SLC7A6: variants seen among roughly 807,000 people sequenced by gnomAD.
The protein encoded by SLC7A6 is solute carrier family 7 member 6.
Under a neutral mutation model 46.6 loss-of-function variants are expected in SLC7A6, and 29 were observed. That is an observed-to-expected ratio of 0.62 (90% CI 0.46 to 0.85). SLC7A6 has a LOEUF of 0.85. Ranked by LOEUF, SLC7A6 falls within the 40% of genes least tolerant of loss-of-function variation. The pLI is 0.00. For synonymous variants in SLC7A6, 276 were observed against 257.3 expected (o/e 1.07, Z -0.70); for missense variants, 527 against 647.6 (o/e 0.81, Z 2.02).
At chr16:68,268,703 A>G (rs1380732861) in intron 2 of SLC7A6, among the ~76,000 whole-genome samples, 1 of 152,216 alleles carries the variant, frequency 6.6e-6, no homozygotes, top group Non-Finnish European at 1.5e-5. Context: ...GGAATTTAAA[A>G]TTTTTAAAAA....
chr16:68,288,621 T>G (rs924489051), intron 4 of SLC7A6, among the ~76,000 whole-genome samples: 2 of 152,152 alleles, frequency 1.3e-5, no homozygotes, highest in Admixed American at 6.5e-5. Flanking sequence ...TAATCTCAAA[T>G]CTGTTGGATC....
chr16:68,287,414 T>C (rs1339882739), intron 3 of SLC7A6: 1 of 1,311,902 alleles, frequency 7.6e-7, no homozygotes, highest in Non-Finnish European at 1.0e-6. Context: ...GTTTGGAACC[T>C]TGGGAGTCTG....
intron 3 of SLC7A6, among the ~76,000 whole-genome samples, chr16:68,275,586 AC>A (rs2042698087): frequency 8.0e-6 from 1 of 125,258 alleles, no homozygotes; most frequent in African/African-American, 3.2e-5. Flanking sequence ...CAAGAGCAAA[AC>A]TCTGTCTCCA....
intron 2 of SLC7A6, chr16:68,273,112 G>C (rs1329952254): frequency 1.3e-5 from 2 of 152,138 alleles, no homozygotes; most frequent in African/African-American, 4.8e-5. Context: ...TTTTTTACTT[G>C]GTCTCAGGTC....
intron 3 of SLC7A6, among the ~76,000 whole-genome samples, chr16:68,286,113 A>AAG (rs1567590103): frequency 7.3e-5 from 11 of 150,878 alleles, no homozygotes; most frequent in African/African-American, 2.7e-4. Flanking sequence ...AAAAAAAAAA[A>AAG]AGAAGGAAAG....
intron 7 of SLC7A6, among the ~76,000 whole-genome samples, chr16:68,293,241 C>T (rs2043093456): frequency 6.6e-6 from 1 of 152,064 alleles, no homozygotes; most frequent in African/African-American, 2.4e-5. Flanking sequence ...TATGGTGAAA[C>T]CCTGTCTCTA....
Position 68,274,715 on chromosome 16 carries a change from G to A in SLC7A6, c.-12G>A. ...GGCCACAGCAAACACAGGTGTGCAG[G>A]AACCGTTTGTCATGGAAGCCAGGGA... On this transcript the variant is annotated 5_prime_UTR_variant, in exon 3 of 11. Transcript: ENST00000219343. The A allele has an allele frequency of 1.2e-6, 2 of 1,613,770 alleles. No homozygotes were observed. Among genetic ancestry groups the A allele is most frequent in the Middle Eastern group, 1.6e-4 (1 of 6,062 alleles).
chr16:68,275,683 G>C (rs879273983), intron 3 of SLC7A6, among the ~76,000 whole-genome samples: 6 of 151,928 alleles, frequency 3.9e-5, no homozygotes, highest in Non-Finnish European at 8.8e-5. Flanking sequence ...ACCTTTTGAG[G>C]AAGTAATTTT....
At position 68,301,352 on chromosome 16, in the gene SLC7A6, G is replaced by A. The variant is rs765933454; in HGVS notation, c.*4024G>A. Reference sequence around the variant, plus strand: ...TCCAGAGGGTACTTGCTCCACATCCGCTGTCTGCTGCTGCCTCTTTCCTCC... The same window carrying A: ...TCCAGAGGGTACTTGCTCCACATCCACTGTCTGCTGCTGCCTCTTTCCTCC... On this transcript the variant is annotated 3_prime_UTR_variant, in exon 11 of 11. Coordinates refer to ENST00000219343, the MANE Select transcript of SLC7A6 (RefSeq NM_003983.6). 1.2e-5 allele frequency: 19 copies of A among 1,613,942 alleles called. No individual in the cohort carries two copies. The highest frequency in any genetic ancestry group is 1.4e-5 in the Non-Finnish European group (16 of 1,180,002).
In SLC7A6 at chr16:68,296,474, C is replaced by T. The variant is rs770636072; in HGVS notation, c.1230C>T (p.Tyr410=). Residue 410 remains tyrosine (Y), a synonymous_variant, in exon 9 of 11, where the codon TAC becomes TAT. Transcript: ENST00000219343. ...FVGLSVVGQL[Y]LRWKEPKRPR... is the part of the protein sequence containing the mutation. ...GCCTGTCTGTTGTTGGACAGCTCTA[C>T]CTCCGCTGGAAGGAGCCCAAGCGGC... 1 of 1,614,204 alleles carries T rather than the reference C, an allele frequency of 6.2e-7. No individual in the cohort carries two copies. The highest frequency in any genetic ancestry group is 1.7e-5 in the Admixed American group (1 of 60,024).
chr16:68,291,089 C>T (rs1272369096), intron 5 of SLC7A6, 120 bp from the exon 6 acceptor site: 1 of 1,325,258 alleles, frequency 7.5e-7, no homozygotes, highest in Non-Finnish European at 1.1e-6. Context: ...GTGAGCCTCC[C>T]TCAAAGACTT....
chr16:68,289,800 CT>C (rs1193039444), intron 4 of SLC7A6, among the ~76,000 whole-genome samples: 1 of 152,172 alleles, frequency 6.6e-6, no homozygotes, highest in Non-Finnish European at 1.5e-5. Context: ...CTCAGTTCCT[CT>C]ATAGCATGTC....
chr16:68,287,813 C>CG lies in SLC7A6; in HGVS notation c.592dup (p.Ala198GlyfsTer16). The stretch of plus-strand genomic sequence containing the variant: ...CACGTGTGCAGGACACGTTCACTTA[C>CG]GCCAAGGTCGTAGCGCTCATTGCCA... On this transcript the variant is annotated frameshift_variant, in exon 4 of 11. Coordinates refer to ENST00000219343, the MANE Select transcript of SLC7A6 (RefSeq NM_003983.6). LOFTEE classifies it high-confidence loss of function. 6.2e-7 allele frequency: 1 copy of CG among 1,614,200 alleles called. No homozygotes were observed. The highest frequency in any genetic ancestry group is 8.5e-7 in the Non-Finnish European group (1 of 1,180,036).
chr16:68,297,405 A>G lies in SLC7A6; in HGVS notation c.*77A>G, dbSNP rs2043192501. 8 of 1,224,480 alleles carry G rather than the reference A, an allele frequency of 6.5e-6. No homozygotes were observed. The South Asian group carries it at 1.0e-4, about 16-fold the overall frequency. The allele number at this position is 1,224,480 out of a possible 1,614,324, so 75.9% of individuals were successfully genotyped here. The stretch of plus-strand genomic sequence containing the variant: ...CTGATAACAAGACTCTGTGGGCCCA[A>G]CTCTCCTGAATTAAAGGAGCCTTTT... On this transcript the variant is annotated 3_prime_UTR_variant, in exon 11 of 11. Coordinates refer to ENST00000219343, the MANE Select transcript of SLC7A6 (RefSeq NM_003983.6).
intron 3 of SLC7A6, among the ~76,000 whole-genome samples, chr16:68,278,971 G>C (rs1167802233): frequency 6.6e-6 from 1 of 151,896 alleles, no homozygotes; most frequent in African/African-American, 2.4e-5. Context: ...AGGGCGGCTG[G>C]CCGGGCAGGG....
chr16:68,291,115 G>A (rs779135063), intron 5 of SLC7A6, 94 bp from the exon 6 acceptor site: 9 of 1,547,862 alleles, frequency 5.8e-6, no homozygotes, highest in African/African-American at 4.1e-5. Flanking sequence ...CTAGTGAACT[G>A]TTAAATGTTA....
chr16:68,270,548 A>G (rs1018122865), intron 2 of SLC7A6, among the ~76,000 whole-genome samples: 1 of 152,194 alleles, frequency 6.6e-6, no homozygotes, highest in South Asian at 2.1e-4. Context: ...GTCTATGGAA[A>G]AAACCTGAGT....
intron 3 of SLC7A6, among the ~76,000 whole-genome samples, chr16:68,282,851 C>G (rs984490124): frequency 6.6e-6 from 1 of 152,192 alleles, no homozygotes; most frequent in African/African-American, 2.4e-5. Context: ...AACCCTTGAC[C>G]TTGTGATTTG....
rs1006976607 is a variant in SLC7A6 at position 68,299,866 on chromosome 16, C to T, written c.*2538C>T. The T allele has an allele frequency of 2.6e-5, 4 of 152,142 alleles. No individual in the cohort carries two copies. The highest frequency in any genetic ancestry group is 9.7e-5 in the African/African-American group (4 of 41,432). The allele number at this position is 152,142 out of a possible 1,614,324, so 9.4% of individuals were successfully genotyped here. On this transcript the variant is annotated 3_prime_UTR_variant, in exon 11 of 11. Transcript: ENST00000219343. ...CTGCAATATATACGGCCTGTGTACA[C>T]AGAATTTAATCACTTCGGCAGGTTG...
Sources: allele counts gnomAD v4.1 joint callset (sites outside exome capture counted in the v4.1 genomes callset), GRCh38; gene constraint gnomAD v4.1.1; transcripts MANE v1.5; gene names NCBI Gene and HGNC (gene_info 2026-07-23, HGNC 2026-07-21).